The following ULK4 variants were observed in gnomAD, a reference collection of about 807,000 sequenced individuals.
ULK4 encodes inactive serine/threonine-protein kinase ULK4.
ULK4 carries 133 observed loss-of-function variants against 160.6 expected under a neutral mutation model. The ratio of observed to expected loss-of-function variants is 0.83; its 90% CI spans 0.72 to 0.96. The LOEUF (loss-of-function observed/expected upper bound fraction) is 0.96. ULK4 is among the 40% of genes least tolerant of loss of function. The pLI, the probability that ULK4 is intolerant of heterozygous loss-of-function variation, is 0.00. For synonymous variants in ULK4, 534 were observed against 539.8 expected, an observed-to-expected ratio of 0.99 and a Z score of 0.15; for missense variants, 1,580 against 1,499.5, an observed-to-expected ratio of 1.05 and a Z score of -0.89.
At chr3:41,307,971 C>T (rs576464223) in intron 35 of ULK4, among the ~76,000 whole-genome samples, 34 of 152,214 alleles carry the variant, frequency 2.2e-4, no homozygotes, top group African/African-American at 7.7e-4. Flanking sequence ...TACCCAAAAG[C>T]TTGAGTTTCC....
At chr3:41,330,899 A>G (rs905060729) in intron 35 of ULK4, among the ~76,000 whole-genome samples, 2 of 152,150 alleles carry the variant, frequency 1.3e-5, no homozygotes, top group Non-Finnish European at 2.9e-5. Flanking sequence ...GAAGTGGCCA[A>G]TCTCTGCCAG....
intron 15 of ULK4, 150 bp from the exon 16 acceptor site, chr3:41,895,714 A>T (rs1429260909): frequency 7.1e-6 from 3 of 421,928 alleles, no homozygotes; most frequent in Non-Finnish European, 1.3e-5. Flanking sequence ...TAAATTACAA[A>T]GGCACTAGTA....
intron 17 of ULK4, among the ~76,000 whole-genome samples, chr3:41,873,450 G>C (rs13325965): frequency 6.6e-6 from 1 of 151,878 alleles, no homozygotes; most frequent in Non-Finnish European, 1.5e-5. Context: ...CGCCATTTCT[G>C]ACTTTTGAAA....
At chr3:41,652,232 A>G (rs1190536876) in intron 30 of ULK4, among the ~76,000 whole-genome samples, 2 of 152,212 alleles carry the variant, frequency 1.3e-5, no homozygotes, top group East Asian at 3.8e-4. Flanking sequence ...AGTTTTTTAC[A>G]TCCTGAAAAT....
chr3:41,774,804 C>G (rs1324771740), intron 21 of ULK4, among the ~76,000 whole-genome samples: 5 of 150,636 alleles, frequency 3.3e-5, no homozygotes, highest in African/African-American at 1.2e-4. Context: ...CTCACAATAG[C>G]AAAAACTTGG....
chr3:41,664,785 C>A (rs1403892517), intron 29 of ULK4, among the ~76,000 whole-genome samples: 2 of 152,096 alleles, frequency 1.3e-5, no homozygotes, highest in Admixed American at 6.5e-5. Flanking sequence ...TATGTTAACT[C>A]TTTTCTGCAC....
intron 31 of ULK4, among the ~76,000 whole-genome samples, chr3:41,586,348 T>C (rs1042548350): frequency 9.9e-5 from 15 of 152,262 alleles, no homozygotes; most frequent in African/African-American, 3.4e-4. Flanking sequence ...TGCAACAACA[T>C]GGATGAATCT....
chr3:41,674,810 G>A (rs1165719754), intron 29 of ULK4, among the ~76,000 whole-genome samples: 1 of 152,102 alleles, frequency 6.6e-6, no homozygotes, highest in Non-Finnish European at 1.5e-5. Flanking sequence ...AGAAATACAG[G>A]TACCTTAACG....
intron 35 of ULK4, among the ~76,000 whole-genome samples, chr3:41,336,493 T>A (rs1465411775): frequency 6.6e-6 from 1 of 152,162 alleles, no homozygotes; most frequent in Non-Finnish European, 1.5e-5. Context: ...GAAGTCTACT[T>A]CTCCTCACTG....
chr3:41,677,331 CA>C (rs1226268180), intron 29 of ULK4, among the ~76,000 whole-genome samples: 5 of 144,606 alleles, frequency 3.5e-5, no homozygotes, highest in African/African-American at 5.3e-5. Context: ...AAAGTTCATT[CA>C]TTTTTTTTTT....
At chr3:41,432,890 T>A (rs35683881) in intron 34 of ULK4, among the ~76,000 whole-genome samples, 40,006 of 146,594 alleles carry the variant, frequency 0.27, 5,503 homozygotes, top group East Asian at 0.57. Context: ...AATAAACGTT[T>A]AAAAAAAAAA....
chr3:41,701,628 G>A (rs534917127), intron 27 of ULK4, among the ~76,000 whole-genome samples: 58 of 152,180 alleles, frequency 3.8e-4, no homozygotes, highest in African/African-American at 1.4e-3. Context: ...ACTAAAAAAA[G>A]AAGCATACAA....
intron 17 of ULK4, among the ~76,000 whole-genome samples, chr3:41,863,269 T>A (rs1018365487): frequency 6.6e-6 from 1 of 152,154 alleles, no homozygotes; most frequent in Non-Finnish European, 1.5e-5. Context: ...ACCACTGATG[T>A]TCCCTTAAGG....
chr3:41,288,792 C>T (rs372032370), intron 35 of ULK4, among the ~76,000 whole-genome samples: 2 of 152,282 alleles, frequency 1.3e-5, no homozygotes, highest in African/African-American at 4.8e-5. Context: ...GAGAAAGGCC[C>T]GCTCAAGGAC....
intron 32 of ULK4, among the ~76,000 whole-genome samples, chr3:41,496,757 C>T (rs2085005942): frequency 6.6e-6 from 1 of 152,042 alleles, no homozygotes; most frequent in Non-Finnish European, 1.5e-5. Flanking sequence ...TCAAGGAGTT[C>T]CGACAATCCA....
At chr3:41,400,060 T>C (rs2082147348) in intron 34 of ULK4, among the ~76,000 whole-genome samples, 1 of 152,136 alleles carries the variant, frequency 6.6e-6, no homozygotes, top group Non-Finnish European at 1.5e-5. Flanking sequence ...ATTTGTAGGT[T>C]TGTAGGTTCA....
intron 30 of ULK4, among the ~76,000 whole-genome samples, chr3:41,658,580 T>A (rs935246785): frequency 6.6e-6 from 1 of 152,204 alleles, no homozygotes; most frequent in African/African-American, 2.4e-5. Flanking sequence ...GTTAAATCAA[T>A]ATGTAATATT....
chr3:41,922,179 G>A lies in ULK4; in HGVS notation c.542-2361C>T, dbSNP rs930857150. ...AATAAAATAGTTAAAAATAAAATAA[G>A]AAAGCTGAAAAAATAAAATAAGAAA... is the stretch of plus-strand genomic sequence containing the variant. On this transcript the variant is annotated intron_variant, in intron 5 of 36. Coordinates refer to ENST00000301831, the MANE Select transcript of ULK4 (RefSeq NM_017886.4). Among the ~76,000 whole-genome samples, 13 of 152,026 alleles carry A rather than the reference G, an allele frequency of 8.6e-5. No individual in the cohort carries two copies. The East Asian group carries it at 1.5e-3, about 18-fold the overall frequency.
chr3:41,933,804 C>T (rs1256349179), intron 4 of ULK4, among the ~76,000 whole-genome samples: 1 of 152,020 alleles, frequency 6.6e-6, no homozygotes, highest in Non-Finnish European at 1.5e-5. Context: ...AATCCCAGCA[C>T]TTTGGGAAGC....
Sources: allele counts gnomAD v4.1 joint callset (sites outside exome capture counted in the v4.1 genomes callset), GRCh38; gene constraint gnomAD v4.1.1; transcripts MANE v1.5; gene names NCBI Gene and HGNC (gene_info 2026-07-23, HGNC 2026-07-21).